Variants in TASOR observed in about 807,000 individuals in gnomAD.
The protein encoded by TASOR is transcription activation suppressor.
In TASOR, 53 loss-of-function variants were observed where a neutral mutation model predicts 178.6. That is an observed-to-expected ratio of 0.30 (90% CI 0.24 to 0.37). The LOEUF is 0.37. Among genes scored for constraint, TASOR ranks in the 10% least tolerant of loss-of-function variants. The pLI is 1.00. For synonymous variants in TASOR, 713 were observed against 696.2 expected (o/e 1.02, Z -0.38); for missense variants, 1,815 against 1,971.4 (o/e 0.92, Z 1.50).
In TASOR at chr3:56,646,870, A is replaced by G. The variant is rs549942573; in HGVS notation, c.1867T>C (p.Phe623Leu). The change falls in exon 14 of 24, where the codon TTT becomes CTT. Residue 623 changes from phenylalanine (F) to leucine (L), a missense_variant. Around this residue, in one of 5 missense-constraint regions of TASOR, gnomAD observed 504 missense variants for 645.3 expected, o/e 0.78. Transcript: ENST00000683822. ...QLPICKLKEL[F>L]EENRKLQQFS... ...TGCTGAAGTTTTCTATTTTCTTCAA[A>G]TAGTTCTTTTAATTTACAAATAGGT... The G allele has an allele frequency of 1.9e-6, 3 of 1,605,680 alleles. No individual in the cohort carries two copies. Among genetic ancestry groups the G allele is most frequent in the East Asian group, 4.5e-5 (2 of 44,818 alleles).
rs2076727697 is a variant in TASOR at position 56,623,275 on chromosome 3, T to C, written c.4775A>G (p.Tyr1592Cys). The C allele has an allele frequency of 6.2e-7, 1 of 1,613,602 alleles. No homozygotes were observed. Among genetic ancestry groups the C allele is most frequent in the East Asian group, 2.2e-5 (1 of 44,840 alleles). ...ENSNSTEQDS[Y>C]SNFQVYHSQL... Reference sequence around the variant, plus strand: ...ACTATGATAAACCTGAAAGTTACTATATGAATCTTGTTCTGTTGAATTGCT... The same window carrying C: ...ACTATGATAAACCTGAAAGTTACTACATGAATCTTGTTCTGTTGAATTGCT... Residue 1592 changes from tyrosine to cysteine, a missense_variant, in exon 24 of 24, where the codon TAT becomes TGT. This residue lies in a region of TASOR where 278 missense variants were observed against 257.1 expected (regional missense o/e 1.08). Coordinates refer to ENST00000683822, the MANE Select transcript of TASOR (RefSeq NM_001365635.2).
intron 11 of TASOR, among the ~76,000 whole-genome samples, chr3:56,651,651 T>C (rs1000670110): frequency 1.3e-5 from 2 of 151,824 alleles, no homozygotes; most frequent in African/African-American, 4.8e-5. Context: ...AAGCTGTGAT[T>C]GTGCCACGCA....
intron 14 of TASOR, among the ~76,000 whole-genome samples, chr3:56,644,922 T>G (rs1462313332): frequency 6.6e-6 from 1 of 152,188 alleles, no homozygotes; most frequent in Non-Finnish European, 1.5e-5. Flanking sequence ...AATTCAAACT[T>G]AAATAAAAAC....
At chr3:56,653,955 A>T (rs1158116378) in intron 11 of TASOR, among the ~76,000 whole-genome samples, 1 of 152,200 alleles carries the variant, frequency 6.6e-6, no homozygotes, top group East Asian at 1.9e-4. Flanking sequence ...AGACAGAAAT[A>T]GCAAAACAAG....
At chr3:56,645,988 A>T (rs1160018387) in intron 14 of TASOR, among the ~76,000 whole-genome samples, 1 of 152,168 alleles carries the variant, frequency 6.6e-6, no homozygotes, top group Non-Finnish European at 1.5e-5. Flanking sequence ...CTCTACTAAA[A>T]ATACAAAAAA....
At chr3:56,669,560 C>A in intron 5 of TASOR, 140 bp downstream of exon 5, 1 of 567,884 alleles carries the variant, frequency 1.8e-6, no homozygotes, top group Non-Finnish European at 3.0e-6. Flanking sequence ...GGCAAATAAA[C>A]CATTTTCAAA....
chr3:56,669,740 G>A lies in TASOR; in HGVS notation c.695C>T (p.Thr232Met), dbSNP rs759121597. The change falls in exon 5 of 24, where the codon ACG becomes ATG. Residue 232 changes from threonine to methionine, a missense_variant. Physicochemically the swap from Thr to Met is moderately conservative, Grantham distance 81 (BLOSUM62 -1). Around this residue, in one of 5 missense-constraint regions of TASOR, gnomAD observed 504 missense variants for 645.3 expected, o/e 0.78. Coordinates refer to ENST00000683822, the MANE Select transcript of TASOR (RefSeq NM_001365635.2). ...ADLLQANPLD[T>M]GAMGDVVIFK... Reference sequence around the variant, plus strand: ...AATAACAACATCACCCATTGCCCCCGTGTCCAAAGGATTCGCTTGTAATAA... The same window carrying A: ...AATAACAACATCACCCATTGCCCCCATGTCCAAAGGATTCGCTTGTAATAA... 6.4e-5 allele frequency: 99 copies of A among 1,548,892 alleles called. No homozygotes were observed. The Admixed American group carries it at 9.1e-4, about 14-fold the overall frequency.
At chr3:56,663,662 T>C in intron 7 of TASOR, 90 bp from the exon 8 acceptor site, 1 of 1,192,610 alleles carries the variant, frequency 8.4e-7, no homozygotes, top group Non-Finnish European at 1.1e-6. Flanking sequence ...CAATTTTTAA[T>C]GGCATACTAC....
chr3:56,627,822 G>A, intron 19 of TASOR, 81 bp from the exon 20 acceptor site: 1 of 1,307,658 alleles, frequency 7.6e-7, no homozygotes, highest in Non-Finnish European at 1.1e-6. Flanking sequence ...CCTACAAGAA[G>A]TCTAACAGAA....
rs952408144 is a variant in TASOR at position 56,680,301 on chromosome 3, A to C, written c.331+2375T>G. The stretch of plus-strand genomic sequence containing the variant: ...TTGTTGAGATTTAGTCAATGTATGT[A>C]AATTGCTTAGAACAATGCCCACAAC... On this transcript the variant is annotated intron_variant, in intron 1 of 23. Coordinates refer to ENST00000683822, the MANE Select transcript of TASOR (RefSeq NM_001365635.2). Among the ~76,000 whole-genome samples the C allele has an allele frequency of 2.6e-5, 4 of 152,214 alleles. No individual in the cohort carries two copies. The South Asian group carries it at 8.3e-4, about 31-fold the overall frequency.
At position 56,620,179 on chromosome 3, in the gene TASOR, G is replaced by A. The variant is rs571437058; in HGVS notation, c.*2858C>T. ...AGTAAAAAAATGCATACATTGGAAC[G>A]GCAAAACATCAATAAGGCCCTAAAA... On this transcript the variant is annotated 3_prime_UTR_variant, in exon 24 of 24. Coordinates refer to ENST00000683822, the MANE Select transcript of TASOR (RefSeq NM_001365635.2). 4.5e-5 allele frequency: 9 copies of A among 199,664 alleles called. No individual in the cohort carries two copies. Among genetic ancestry groups the A allele is most frequent in the Admixed American group, 1.2e-4 (2 of 17,166 alleles). The allele number at this position is 199,664 out of a possible 1,614,324, so 12.4% of individuals were successfully genotyped here.
intron 14 of TASOR, among the ~76,000 whole-genome samples, chr3:56,645,177 G>A (rs961104423): frequency 9.8e-5 from 15 of 152,336 alleles, no homozygotes; most frequent in African/African-American, 2.9e-4. Flanking sequence ...GGGAGACTCA[G>A]GCACGAGAAT....
In TASOR at chr3:56,623,009, C is replaced by T. The variant is rs1302992241; in HGVS notation, c.*28G>A. On this transcript the variant is annotated 3_prime_UTR_variant, in exon 24 of 24. Transcript: ENST00000683822. ...AATTGTTAATAAACAAAGTCCACAA[C>T]AATCTCTTAAAAAAAAAGTTACTAC... 1.4e-6 allele frequency: 2 copies of T among 1,405,378 alleles called. No homozygotes were observed. Among genetic ancestry groups the T allele is most frequent in the Admixed American group, 4.9e-5 (2 of 40,514 alleles). The allele number at this position is 1,405,378 out of a possible 1,614,324, so 87.1% of individuals were successfully genotyped here.
rs1238971903 is a variant in TASOR at position 56,620,588 on chromosome 3, A to T, written c.*2449T>A. 2.6e-5 allele frequency: 4 copies of T among 152,120 alleles called. No homozygotes were observed. The highest frequency in any genetic ancestry group is 5.9e-5 in the Non-Finnish European group (4 of 68,050). 9.4% of individuals were successfully genotyped at this position (152,120 alleles called of 1,614,324 possible). A position where few individuals can be genotyped will look rare whatever the true frequency, so the allele number is the denominator to read the frequency against. ...TCTGCATTTCAAAATGTTGACTCAG[A>T]TGTTTTTCCCTCTACAGAACTAGAA... is the stretch of plus-strand genomic sequence containing the variant. On this transcript the variant is annotated 3_prime_UTR_variant, in exon 24 of 24. Coordinates refer to ENST00000683822, the MANE Select transcript of TASOR (RefSeq NM_001365635.2).
In TASOR at chr3:56,641,416, G is replaced by A; in HGVS notation, c.2552C>T (p.Thr851Ile). ...TQSLLLEVDA[T>I]SKYSVAISTS... is the part of the protein sequence containing the mutation. Reference sequence around the variant, plus strand: ...AGAAATAGCAACAGAATACTTAGATGTTGCATCAACTTCTAGTAATAAGCT... The same window carrying A: ...AGAAATAGCAACAGAATACTTAGATATTGCATCAACTTCTAGTAATAAGCT... The change falls in exon 15 of 24, where the codon ACA becomes ATA. Residue 851 changes from threonine to isoleucine, a missense_variant. This residue lies in a region of TASOR where 655 missense variants were observed against 671.1 expected (regional missense o/e 0.98). Coordinates refer to ENST00000683822, the MANE Select transcript of TASOR (RefSeq NM_001365635.2). 1.2e-6 allele frequency: 2 copies of A among 1,603,566 alleles called. No individual in the cohort carries two copies. The highest frequency in any genetic ancestry group is 1.3e-5 in the African/African-American group (1 of 74,868).
chr3:56,653,950 G>A (rs2077414735), intron 11 of TASOR, among the ~76,000 whole-genome samples: 1 of 152,116 alleles, frequency 6.6e-6, no homozygotes, highest in African/African-American at 2.4e-5. Flanking sequence ...CTTAAAGACA[G>A]AAATAGCAAA....
chr3:56,657,327 GAA>G (rs35444207), intron 11 of TASOR, among the ~76,000 whole-genome samples: 16 of 88,276 alleles, frequency 1.8e-4, no homozygotes, highest in Non-Finnish European at 3.0e-4. Flanking sequence ...GCTCTGTCTC[GAA>G]AAAAAAAAAA....
Position 56,620,988 on chromosome 3 carries a change from T to TAAA in TASOR, c.*2046_*2048dup. Reference sequence around the variant, plus strand: ...TAACACAGTGAAACCCTGTCTCTACTAAAAATACAAAAAGTTAGTTAGTTA... The same window carrying TAAA: ...TAACACAGTGAAACCCTGTCTCTACTAAAAAAAATACAAAAAGTTAGTTAGTTA... On this transcript the variant is annotated 3_prime_UTR_variant, in exon 24 of 24. Transcript: ENST00000683822. 7.4e-6 allele frequency: 1 copy of TAAA among 134,454 alleles called. No individual in the cohort carries two copies. The highest frequency in any genetic ancestry group is 2.4e-4 in the East Asian group (1 of 4,210). The allele number at this position is 134,454 out of a possible 1,614,324, so 8.3% of individuals were successfully genotyped here.
At chr3:56,627,485 GTACTAGT>G (rs1578185916) in intron 20 of TASOR, 90 bp downstream of exon 20, 20 of 1,299,166 alleles carry the variant, frequency 1.5e-5, no homozygotes, top group Non-Finnish European at 2.0e-5. Flanking sequence ...AGACTGAAAT[GTACTAGT>G]TATCTGTGAA....
Sources: allele counts gnomAD v4.1 joint callset (sites outside exome capture counted in the v4.1 genomes callset), GRCh38; gene constraint gnomAD v4.1.1; regional missense constraint gnomAD v4.1.1; transcripts MANE v1.5; gene names NCBI Gene and HGNC (gene_info 2026-07-23, HGNC 2026-07-21).